CFH: variants seen among roughly 807,000 people sequenced by gnomAD.
The protein encoded by CFH is complement factor H.
A neutral mutation model predicts 147.3 loss-of-function variants in CFH; 53 were observed. The observed-to-expected ratio is 0.36, with a 90% CI of 0.29 to 0.45. The LOEUF is 0.45. Among genes scored for constraint, CFH ranks in the 20% least tolerant of loss-of-function variants. The pLI is 1.00. For missense variants in CFH, 1,380 were observed against 1,498.0 expected, an observed-to-expected ratio of 0.92 and a Z score of 1.30; for synonymous variants, 536 against 489.4, an observed-to-expected ratio of 1.10 and a Z score of -1.26.
intron 5 of CFH, chr1:196,678,402 T>C (rs1291192190): frequency 3.3e-5 from 5 of 151,984 alleles, no homozygotes; most frequent in Non-Finnish European, 7.4e-5. Flanking sequence ...TCAAGTTCAT[T>C]TTACCAATAA....
intron 9 of CFH, among the ~76,000 whole-genome samples, chr1:196,709,805 C>T (rs1182534013): frequency 6.6e-6 from 1 of 151,950 alleles, no homozygotes; most frequent in Admixed American, 6.6e-5. Flanking sequence ...AAAAAAAAAC[C>T]TAGCAACATA....
Position 196,686,261 on chromosome 1 carries a change from G to A in CFH, c.964+1024G>A, listed in dbSNP as rs531509955. On this transcript the variant is annotated intron_variant, in intron 7 of 21. Coordinates refer to ENST00000367429, the MANE Select transcript of CFH (RefSeq NM_000186.4). ...ATCTACTCACACACTGTTAACTTCA[G>A]CCATATCTATTCTTTCGAAGTGAGA... Among the ~76,000 whole-genome samples the A allele has an allele frequency of 1.2e-4, 18 of 152,198 alleles. No homozygotes were observed. In the East Asian group the frequency reaches 3.5e-3, roughly 29 times the overall value.
chr1:196,721,928 A>G (rs1669009404), intron 11 of CFH, among the ~76,000 whole-genome samples: 2 of 151,568 alleles, frequency 1.3e-5, no homozygotes, highest in African/African-American at 4.8e-5. Context: ...ATGAGTTTGT[A>G]TAGGTTTCTC....
intron 9 of CFH, among the ~76,000 whole-genome samples, chr1:196,697,673 A>C (rs1045587953): frequency 6.6e-6 from 1 of 152,302 alleles, no homozygotes; most frequent in African/African-American, 2.4e-5. Context: ...ACAAAGGATT[A>C]TAAATCATGC....
chr1:196,735,573 T>G (rs1181629096), intron 15 of CFH, among the ~76,000 whole-genome samples: 1 of 152,022 alleles, frequency 6.6e-6, no homozygotes, highest in Non-Finnish European at 1.5e-5. Context: ...GAAACAGAGA[T>G]GTATTTAGCA....
At chr1:196,692,270 A>T (rs1668053702) in intron 9 of CFH, 1 of 193,662 alleles carries the variant, frequency 5.2e-6, no homozygotes, top group East Asian at 1.9e-4. Context: ...ATGACTTTTC[A>T]CCCTAATCAT....
chr1:196,744,623 C>T (rs1296820851), intron 20 of CFH, among the ~76,000 whole-genome samples: 1 of 152,132 alleles, frequency 6.6e-6, no homozygotes, highest in Non-Finnish European at 1.5e-5. Flanking sequence ...GATCCATTTA[C>T]ACTCTCCACG....
At chr1:196,690,276 T>C (rs1182639930) in intron 9 of CFH, 37 bp downstream of exon 9, 2 of 1,609,598 alleles carry the variant, frequency 1.2e-6, no homozygotes, top group East Asian at 2.2e-5. Context: ...CATGTTCATG[T>C]CTTTCTAAGT....
chr1:196,670,461 G>T (rs1667239466), intron 1 of CFH, among the ~76,000 whole-genome samples: 1 of 152,176 alleles, frequency 6.6e-6, no homozygotes. Context: ...GGATCATGGG[G>T]CAGTTTCTCC....
intron 2 of CFH, 100 bp downstream of exon 2, chr1:196,673,263 C>T (rs926540969): frequency 1.5e-5 from 16 of 1,070,552 alleles, no homozygotes; most frequent in Non-Finnish European, 2.3e-5. Context: ...TCACTATTGC[C>T]AGTCAAATAC....
intron 11 of CFH, among the ~76,000 whole-genome samples, chr1:196,719,329 G>A (rs190068229): frequency 2.0e-5 from 3 of 151,868 alleles, no homozygotes; most frequent in African/African-American, 7.2e-5. Flanking sequence ...TATAAAATTA[G>A]CACAAAATAC....
chr1:196,731,267 T>C (rs1184127592), intron 15 of CFH, among the ~76,000 whole-genome samples: 1 of 151,938 alleles, frequency 6.6e-6, no homozygotes, highest in African/African-American at 2.4e-5. Context: ...TCCTTAGGCT[T>C]GCATAGCATA....
Position 196,715,569 on chromosome 1 carries a change from C to T in CFH, c.1520-24C>T, listed in dbSNP as rs370580595. 48 of 1,555,468 alleles carry T rather than the reference C, an allele frequency of 3.1e-5. No homozygotes were observed. The African/African-American group carries it at 6.2e-4, about 20-fold the overall frequency. ...GTTTATTAGATGACATTAGAAATGA[C>T]ATTCTAAATTTTTTATGCACTAGAA... On this transcript the variant is annotated intron_variant, in intron 10 of 21. Transcript: ENST00000367429.
chr1:196,666,422 A>T (rs1333671652), intron 1 of CFH, among the ~76,000 whole-genome samples: 1 of 151,898 alleles, frequency 6.6e-6, no homozygotes, highest in Non-Finnish European at 1.5e-5. Flanking sequence ...TTTAACATAT[A>T]TTTCCATTAT....
chr1:196,707,297 G>A (rs757482760), intron 9 of CFH, among the ~76,000 whole-genome samples: 2 of 152,114 alleles, frequency 1.3e-5, no homozygotes. Context: ...TTTTACATGG[G>A]AGATCATTCT....
chr1:196,725,586 A>G (rs1573065194), intron 12 of CFH, among the ~76,000 whole-genome samples: 1 of 152,158 alleles, frequency 6.6e-6, no homozygotes, highest in South Asian at 2.1e-4. Context: ...AGTCTGGATG[A>G]TTTGTAAAAA....
At chr1:196,735,415 A>G (rs1669377085) in intron 15 of CFH, among the ~76,000 whole-genome samples, 1 of 152,140 alleles carries the variant, frequency 6.6e-6, no homozygotes, top group Non-Finnish European at 1.5e-5. Context: ...ATGTAGAATT[A>G]GGCTATACTG....
chr1:196,666,327 T>C (rs1667083482), intron 1 of CFH, among the ~76,000 whole-genome samples: 2 of 152,222 alleles, frequency 1.3e-5, no homozygotes, highest in South Asian at 4.1e-4. Context: ...ATTTGGATAA[T>C]TGATTTCCAA....
rs777482186 is a variant in CFH at position 196,726,789 on chromosome 1, T to A, written c.2085T>A (p.Pro695=). 53 of 1,613,892 alleles carry A rather than the reference T, an allele frequency of 3.3e-5. 1 individual carries two copies. In the South Asian group the frequency reaches 4.5e-4, roughly 14 times the overall value. ...AGGAGAGTACCTGTGGAGATATACC[T>A]GAACTTGAACATGGCTGGGCCCAGC... ...IVEESTCGDI[P]ELEHGWAQLS... The change falls in exon 14 of 22, where the codon CCT becomes CCA. Residue 695 remains proline (P), a synonymous_variant. Coordinates refer to ENST00000367429, the MANE Select transcript of CFH (RefSeq NM_000186.4).
Sources: gnomAD v4.1 joint callset for allele counts (sites outside exome capture counted in the v4.1 genomes callset) on GRCh38, gnomAD v4.1.1 for gene constraint, MANE v1.5 for transcripts, NCBI Gene and HGNC (gene_info 2026-07-23, HGNC 2026-07-21) for gene names.